The following WBP2NL variants were observed in gnomAD, a reference collection of about 807,000 sequenced individuals.
WBP2NL encodes postacrosomal sheath WW domain-binding protein.
In WBP2NL, 27 loss-of-function variants were observed where a neutral mutation model predicts 23.3. The ratio of observed to expected loss-of-function variants is 1.16; its 90% CI spans 0.85 to 1.60. The LOEUF (loss-of-function observed/expected upper bound fraction) is 1.60. Among genes scored for constraint, WBP2NL ranks in the 40% most tolerant of loss-of-function variants. The pLI is 0.00. For missense variants in WBP2NL, 370 were observed against 389.5 expected, an observed-to-expected ratio of 0.95 and a Z score of 0.42; for synonymous variants, 151 against 145.9, an observed-to-expected ratio of 1.03 and a Z score of -0.25.
Position 42,027,872 on chromosome 22 carries a change from G to T in WBP2NL, c.*691G>T. 2.5e-6 allele frequency: 1 copy of T among 398,066 alleles called. No homozygotes were observed. Among genetic ancestry groups the T allele is most frequent in the South Asian group, 1.3e-4 (1 of 7,618 alleles). 24.7% of individuals were successfully genotyped at this position (398,066 alleles called of 1,614,324 possible). A position where few individuals can be genotyped will look rare whatever the true frequency, so the allele number is the denominator to read the frequency against. On this transcript the variant is annotated 3_prime_UTR_variant, in exon 6 of 6. Coordinates refer to ENST00000328823, the MANE Select transcript of WBP2NL (RefSeq NM_152613.3). ...ACTACAAATCAATTCTCCCCAAAAT[G>T]ACAGAAATATGAATTGCCGAATAAC...
chr22:42,005,824 G>A (rs1209075615), intron 1 of WBP2NL, among the ~76,000 whole-genome samples: 1 of 152,150 alleles, frequency 6.6e-6, no homozygotes, highest in African/African-American at 2.4e-5. Context: ...AATTGTAACA[G>A]GAAATGAAAC....
Position 42,019,329 on chromosome 22 carries a change from G to C in WBP2NL, c.81G>C (p.Pro27=). The C allele has an allele frequency of 6.2e-7, 1 of 1,613,980 alleles. No homozygotes were observed. The highest frequency in any genetic ancestry group is 8.5e-7 in the Non-Finnish European group (1 of 1,179,992). ...PNGESLLKRS[P]NVELSFPQRS... ...TCTACAGTCTCTTGAAGCGGTCTCC[G>C]AATGTGGAGCTCTCCTTCCCACAGC... Residue 27 remains proline, a synonymous_variant, in exon 2 of 6, where the codon CCG becomes CCC. Coordinates refer to ENST00000328823, the MANE Select transcript of WBP2NL (RefSeq NM_152613.3).
At chr22:42,049,479 A>T (rs540883805) in intron 8 of WBP2NL, among the ~76,000 whole-genome samples, 27 of 152,160 alleles carry the variant, frequency 1.8e-4, no homozygotes, top group Non-Finnish European at 3.4e-4. Flanking sequence ...TCACGAGGTC[A>T]GGAGATTGAG....
intron 1 of WBP2NL, among the ~76,000 whole-genome samples, chr22:42,006,611 G>C (rs1427408884): frequency 1.3e-5 from 2 of 152,180 alleles, no homozygotes; most frequent in Non-Finnish European, 1.5e-5. Flanking sequence ...GACTGCCTTG[G>C]CATGATTACA....
At chr22:42,029,000 TC>T (rs779431605), downstream of WBP2NL, among the ~76,000 whole-genome samples, 2 of 152,198 alleles carry the variant, frequency 1.3e-5, no homozygotes, top group Non-Finnish European at 2.9e-5. Flanking sequence ...GGCAGTACCA[TC>T]CCTGCTGAGG....
chr22:42,048,721 A>G (rs566675566), intron 8 of WBP2NL, among the ~76,000 whole-genome samples: 2 of 149,386 alleles, frequency 1.3e-5, no homozygotes, highest in African/African-American at 4.9e-5. Context: ...ACGCCACTGT[A>G]CTCCAGCCTG....
Position 42,006,122 on chromosome 22 carries a change from G to A in WBP2NL, c.62+7242G>A, listed in dbSNP as rs548749754. On this transcript the variant is annotated intron_variant, in intron 1 of 5. Coordinates refer to ENST00000328823, the MANE Select transcript of WBP2NL (RefSeq NM_152613.3). ...CACCATGACAATGCTCCTGTTCATC[G>A]TTCTCATCAAACAAAGGCAATTTTG... Among the ~76,000 whole-genome samples, 153 of 152,096 alleles carry A rather than the reference G, an allele frequency of 1.0e-3. 2 individuals are homozygous for A. The Middle Eastern group carries it at 0.01, about 10-fold the overall frequency.
intron 8 of WBP2NL, among the ~76,000 whole-genome samples, chr22:42,039,997 C>T (rs546660916): frequency 1.1e-4 from 16 of 151,680 alleles, no homozygotes; most frequent in African/African-American, 3.1e-4. Flanking sequence ...CTGCAACCTC[C>T]GCCTCCTGGG....
intron 1 of WBP2NL, among the ~76,000 whole-genome samples, chr22:42,015,860 G>A (rs771716194): frequency 1.3e-4 from 20 of 152,042 alleles, no homozygotes; most frequent in Non-Finnish European, 2.4e-4. Flanking sequence ...TGAGCTTTTC[G>A]AAGCCTTTAT....
intron 1 of WBP2NL, among the ~76,000 whole-genome samples, chr22:42,007,759 C>T (rs1922388343): frequency 6.6e-6 from 1 of 152,178 alleles, no homozygotes; most frequent in Non-Finnish European, 1.5e-5. Flanking sequence ...GAAAAATATT[C>T]CATTGTATGT....
intron 1 of WBP2NL, among the ~76,000 whole-genome samples, chr22:42,015,707 T>A (rs1923244602): frequency 6.6e-6 from 1 of 152,190 alleles, no homozygotes; most frequent in South Asian, 2.1e-4. Context: ...GAGGCCTTTT[T>A]GCATCACTTC....
downstream of WBP2NL, among the ~76,000 whole-genome samples, chr22:42,033,964 G>GACGTCACCA (rs1167274747): frequency 6.6e-6 from 1 of 152,228 alleles, no homozygotes; most frequent in Non-Finnish European, 1.5e-5. Flanking sequence ...CTGAAGGTGT[G>GACGTCACCA]ACGTCACCAG....
intron 8 of WBP2NL, among the ~76,000 whole-genome samples, chr22:42,038,784 A>G (rs1264078327): frequency 6.6e-6 from 1 of 151,582 alleles, no homozygotes; most frequent in African/African-American, 2.4e-5. Flanking sequence ...TTGTACTTTT[A>G]GTAGAGACGG....
intron 8 of WBP2NL, among the ~76,000 whole-genome samples, chr22:42,057,869 GTA>G (rs5845518): frequency 0.079 from 2,573 of 32,414 alleles, 129 homozygotes; most frequent in South Asian, 0.14. Flanking sequence ...GTGTGTGTAT[GTA>G]TATATATATA....
intron 1 of WBP2NL, 116 bp downstream of exon 1, chr22:41,998,996 C>G: frequency 8.1e-7 from 1 of 1,230,122 alleles, no homozygotes; most frequent in South Asian, 1.6e-5. Flanking sequence ...GGGCGCGGCG[C>G]TCTTAGCTCC....
In WBP2NL at chr22:42,019,799, A is replaced by G. The variant is rs777725056; in HGVS notation, c.309A>G (p.Pro103=). Residue 103 remains proline, a synonymous_variant, in exon 3 of 6, where the codon CCA becomes CCG. Transcript: ENST00000328823. ...NFIKGTIQAA[P]YGGWEGQATF... ...TTAAGGGAACTATTCAGGCAGCTCC[A>G]TATGGTAAGTGTTCCCTCAGAAGTG... The G allele has an allele frequency of 6.2e-7, 1 of 1,614,184 alleles. No individual in the cohort carries two copies. Among genetic ancestry groups the G allele is most frequent in the Non-Finnish European group, 8.5e-7 (1 of 1,180,024 alleles).
chr22:42,021,163 A>C (rs1923941280), intron 4 of WBP2NL, among the ~76,000 whole-genome samples: 1 of 151,334 alleles, frequency 6.6e-6, no homozygotes, highest in South Asian at 2.1e-4. Context: ...CAGGAGATCC[A>C]CCTGCCTCAG....
intron 8 of WBP2NL, among the ~76,000 whole-genome samples, chr22:42,048,271 T>A (rs1925676106): frequency 1.4e-5 from 2 of 143,252 alleles, no homozygotes; most frequent in Non-Finnish European, 1.5e-5. Flanking sequence ...AGTACAAAAA[T>A]TAGCCGGGCG....
intron 1 of WBP2NL, among the ~76,000 whole-genome samples, chr22:42,017,507 TGCTA>T (rs1923421951): frequency 6.6e-6 from 1 of 152,194 alleles, no homozygotes; most frequent in Non-Finnish European, 1.5e-5. Flanking sequence ...TTCACTAAAT[TGCTA>T]TGACAGTTTG....
Sources: gnomAD v4.1 joint callset for allele counts (sites outside exome capture counted in the v4.1 genomes callset) on GRCh38, gnomAD v4.1.1 for gene constraint, MANE v1.5 for transcripts, NCBI Gene and HGNC (gene_info 2026-07-23, HGNC 2026-07-21) for gene names.